Variants in ERICH1 observed in about 807,000 individuals in gnomAD.
The protein encoded by ERICH1 is glutamate rich 1, also known as glutamate-rich protein 1.
ERICH1 carries 56 observed loss-of-function variants against 39.6 expected under a neutral mutation model. The observed-to-expected ratio is 1.41, with a 90% confidence interval of 1.14 to 1.77. The LOEUF is 1.77. ERICH1 is among the 40% of genes most tolerant of loss of function. The probability of loss-of-function intolerance (pLI) is 0.00; values close to 1 mark genes in which losing one functional copy is unlikely to be tolerated. For missense variants in ERICH1, 826 were observed against 575.4 expected (o/e 1.44, Z -4.45); for synonymous variants, 313 against 223.6 (o/e 1.40, Z -3.57).
chr8:693,336 A>C (rs991850839), intron 2 of ERICH1, among the ~76,000 whole-genome samples: 2 of 152,254 alleles, frequency 1.3e-5, no homozygotes, highest in Admixed American at 1.3e-4. Flanking sequence ...TTTGTATCTT[A>C]CATGTAAAAT....
Position 620,406 on chromosome 8 carries a change from T to C in ERICH1, c.977-5122A>G, listed in dbSNP as rs574573198. Among the ~76,000 whole-genome samples, 17 of 152,260 alleles carry C rather than the reference T, an allele frequency of 1.1e-4. No individual in the cohort carries two copies. In the East Asian group the frequency reaches 1.5e-3, roughly 14 times the overall value. On this transcript the variant is annotated intron_variant, in intron 3 of 3. Transcript: ENST00000522706. ...AAAATAATATTTAAATGTGAATCAA[T>C]TGAACAAGTCAATCAAAAGGCAGAG...
chr8:631,184 C>G lies in ERICH1; in HGVS notation c.977-15900G>C, dbSNP rs536199303. ...CCGCTGGACATGGCCTGAAGCTTGG[C>G]TCTGGGAGGAGAACAGGGGTGCCTG... On this transcript the variant is annotated intron_variant, in intron 3 of 3. Coordinates refer to the ERICH1 transcript ENST00000522706. Among the ~76,000 whole-genome samples the G allele has an allele frequency of 7.0e-4, 107 of 152,394 alleles. No individual in the cohort carries two copies. In the South Asian group the frequency reaches 8.9e-3, roughly 13 times the overall value.
At chr8:653,127 G>T (rs1161421361) in intron 3 of ERICH1, among the ~76,000 whole-genome samples, 1 of 152,182 alleles carries the variant, frequency 6.6e-6, no homozygotes, top group South Asian at 2.1e-4. Context: ...CTGAAAGCTG[G>T]AACTCAACAG....
At chr8:713,708 G>A (rs548105441) in intron 2 of ERICH1, among the ~76,000 whole-genome samples, 1 of 152,298 alleles carries the variant, frequency 6.6e-6, no homozygotes, top group East Asian at 1.9e-4. Context: ...AAGGTGATTT[G>A]TGGGATGACG....
intron 4 of ERICH1, among the ~76,000 whole-genome samples, chr8:670,231 G>A (rs549287713): frequency 6.6e-6 from 1 of 152,236 alleles, no homozygotes; most frequent in South Asian, 2.1e-4. Flanking sequence ...TATTTTAGTA[G>A]ATTCAAATTA....
intron 3 of ERICH1, among the ~76,000 whole-genome samples, chr8:633,220 G>A (rs946100116): frequency 6.6e-6 from 1 of 152,212 alleles, no homozygotes; most frequent in African/African-American, 2.4e-5. Flanking sequence ...TGGCGACTCT[G>A]TTCTGAGGTT....
chr8:731,045 A>G, intron 1 of ERICH1, 95 bp downstream of exon 1: 1 of 1,330,378 alleles, frequency 7.5e-7, no homozygotes, highest in East Asian at 3.1e-5. Flanking sequence ...TGGGGCCTGG[A>G]AAGGGGCCGG....
rs1181409444 is a variant in ERICH1 at position 731,214 on chromosome 8, C to T, written c.-53G>A. 24 of 1,417,004 alleles carry T rather than the reference C, an allele frequency of 1.7e-5. No homozygotes were observed. Among genetic ancestry groups the T allele is most frequent in the Non-Finnish European group, 2.1e-5 (23 of 1,086,840 alleles). 87.8% of individuals were successfully genotyped at this position (1,417,004 alleles called of 1,614,324 possible). A position where few individuals can be genotyped will look rare whatever the true frequency, so the allele number is the denominator to read the frequency against. On this transcript the variant is annotated 5_prime_UTR_variant, in exon 1 of 6. Coordinates refer to ENST00000262109, the MANE Select transcript of ERICH1 (RefSeq NM_207332.3). ...ACGGCGCGCGGTCCTGAGCTGAGCG[C>T]CGTGCCTTCCGGGTTCCGCCCTCCT...
chr8:627,687 G>A (rs191063772), intron 3 of ERICH1, among the ~76,000 whole-genome samples: 27 of 152,312 alleles, frequency 1.8e-4, no homozygotes, highest in African/African-American at 6.5e-4. Context: ...CAAGGCCACA[G>A]GGCTGTTGCT....
chr8:626,522 T>G (rs1319713910), intron 3 of ERICH1: 1 of 154,268 alleles, frequency 6.5e-6, no homozygotes, highest in Admixed American at 6.3e-5. Context: ...GGTACAAAGG[T>G]GAGCACCAGA....
chr8:715,189 G>C (rs1666357506), intron 2 of ERICH1, among the ~76,000 whole-genome samples: 1 of 151,896 alleles, frequency 6.6e-6, no homozygotes, highest in African/African-American at 2.4e-5. Flanking sequence ...TCAGTGGGAT[G>C]TGGTCCACCC....
chr8:630,195 C>G (rs1373827195), intron 3 of ERICH1, among the ~76,000 whole-genome samples: 14 of 124,010 alleles, frequency 1.1e-4, no homozygotes, highest in African/African-American at 4.1e-4. Flanking sequence ...CCTCCCGTGA[C>G]CACCCAGAGC....
Position 695,088 on chromosome 8 carries a change from A to C in ERICH1, c.170-2476T>G, listed in dbSNP as rs547467801. Among the ~76,000 whole-genome samples, 14 of 149,810 alleles carry C rather than the reference A, an allele frequency of 9.3e-5. 1 individual carries two copies. Among genetic ancestry groups the C allele is most frequent in the East Asian group, 8.3e-4 (4 of 4,840 alleles). The stretch of plus-strand genomic sequence containing the variant: ...CTGCCCTGTGGGTTTCACCAGTGTC[A>C]CCTCTTCGCAGGTGTCATTGACCTG... On this transcript the variant is annotated intron_variant, in intron 2 of 5. Transcript: ENST00000262109.
chr8:728,224 C>G (rs1322180777), intron 1 of ERICH1, among the ~76,000 whole-genome samples: 1 of 152,206 alleles, frequency 6.6e-6, no homozygotes, highest in East Asian at 1.9e-4. Context: ...GCCAGCCCAA[C>G]AGCAAGACTC....
At chr8:670,579 TG>T (rs1485262946) in intron 4 of ERICH1, among the ~76,000 whole-genome samples, 1 of 152,220 alleles carries the variant, frequency 6.6e-6, no homozygotes, top group African/African-American at 2.4e-5. Context: ...CCTGCTCTGC[TG>T]GGCTCGAGGG....
intron 5 of ERICH1, among the ~76,000 whole-genome samples, chr8:665,286 T>G (rs995046124): frequency 6.6e-6 from 1 of 152,002 alleles, no homozygotes; most frequent in African/African-American, 2.4e-5. Flanking sequence ...CTGAGCCCAC[T>G]GGTCCCCGGC....
chr8:718,172 G>GCACAACA (rs1816463281), intron 1 of ERICH1, among the ~76,000 whole-genome samples: 1 of 146,040 alleles, frequency 6.8e-6, no homozygotes, highest in South Asian at 2.2e-4. Context: ...ACCGCACAAC[G>GCACAACA]CACAACACAC....
intron 3 of ERICH1, among the ~76,000 whole-genome samples, chr8:655,328 C>T (rs1800493776): frequency 1.3e-5 from 2 of 152,248 alleles, no homozygotes; most frequent in South Asian, 4.1e-4. Flanking sequence ...GCAAATCCAA[C>T]ACGGCAGATA....
At chr8:730,152 G>C (rs1819650713) in intron 1 of ERICH1, among the ~76,000 whole-genome samples, 1 of 152,188 alleles carries the variant, frequency 6.6e-6, no homozygotes, top group Non-Finnish European at 1.5e-5. Context: ...CCTAGCATGT[G>C]ACTGCTTAAA....
Sources: allele counts gnomAD v4.1 joint callset (sites outside exome capture counted in the v4.1 genomes callset), GRCh38; gene constraint gnomAD v4.1.1; transcripts MANE v1.5; gene names NCBI Gene and HGNC (gene_info 2026-07-23, HGNC 2026-07-21).